The following FAM32A variants were observed in gnomAD, a reference collection of about 807,000 sequenced individuals.
FAM32A encodes protein FAM32A.
FAM32A carries 9 observed loss-of-function variants against 15.8 expected under a neutral mutation model. The observed-to-expected ratio is 0.57, with a 90% confidence interval of 0.34 to 1.00. The LOEUF (loss-of-function observed/expected upper bound fraction) is 1.00, where lower values mean the gene tolerates loss of function less well. Ranked by LOEUF, FAM32A falls within the 50% of genes least tolerant of loss-of-function variation. The probability of loss-of-function intolerance (pLI) is 0.02; values close to 1 mark genes in which losing one functional copy is unlikely to be tolerated. For missense variants in FAM32A, 113 were observed against 138.3 expected (o/e 0.82, Z 0.92); for synonymous variants, 64 against 54.9 (o/e 1.16, Z -0.73).
intron 2 of FAM32A, among the ~76,000 whole-genome samples, chr19:16,187,152 G>A (rs563744390): frequency 6.6e-6 from 1 of 152,214 alleles, no homozygotes; most frequent in Admixed American, 6.6e-5. Flanking sequence ...GTGTGACCCT[G>A]GGCAAGCCGG....
At chr19:16,185,863 G>A in intron 2 of FAM32A, 98 bp downstream of exon 2, 1 of 1,332,418 alleles carries the variant, frequency 7.5e-7, no homozygotes, top group Non-Finnish European at 1.0e-6. Context: ...GCAGGGGAGC[G>A]GTCAGAGGAG....
Position 16,185,972 on chromosome 19 carries a change from G to A in FAM32A, c.216+207G>A, listed in dbSNP as rs528421569. Among the ~76,000 whole-genome samples, 4 of 152,270 alleles carry A rather than the reference G, an allele frequency of 2.6e-5. No individual in the cohort carries two copies. In the South Asian group the frequency reaches 8.3e-4, roughly 32 times the overall value. Reference sequence around the variant, plus strand: ...TGAGAAGACCCCGCTGGCCCGAGTGGGCAGCAGAGGGGAGAGCTAGAACTG... The same window carrying A: ...TGAGAAGACCCCGCTGGCCCGAGTGAGCAGCAGAGGGGAGAGCTAGAACTG... On this transcript the variant is annotated intron_variant, in intron 2 of 3. Transcript: ENST00000263384.
In FAM32A at chr19:16,191,306, G is replaced by A. The variant is rs995143222; in HGVS notation, c.*351G>A. 4.5e-5 allele frequency: 15 copies of A among 330,420 alleles called. No individual in the cohort carries two copies. The highest frequency in any genetic ancestry group is 8.3e-5 in the Non-Finnish European group (14 of 169,538). The allele number at this position is 330,420 out of a possible 1,614,324, so 20.5% of individuals were successfully genotyped here. ...TGAGGCCAGCCAGCTGTCTTCTCCT[G>A]GATGAGACAGACTCCAGAGGGTAAG... On this transcript the variant is annotated 3_prime_UTR_variant, in exon 4 of 4. Transcript: ENST00000263384.
chr19:16,187,891 G>A (rs184443922), intron 2 of FAM32A, among the ~76,000 whole-genome samples: 1,765 of 151,966 alleles, frequency 0.012, 21 homozygotes, highest in Non-Finnish European at 0.017. Context: ...GACTACAGGC[G>A]CCCACCACCA....
intron 2 of FAM32A, among the ~76,000 whole-genome samples, chr19:16,190,103 C>T (rs1168032067): frequency 1.3e-5 from 2 of 152,128 alleles, no homozygotes; most frequent in African/African-American, 4.8e-5. Context: ...TCTTGTAGCC[C>T]TAACATCAGG....
At chr19:16,188,713 A>T (rs1336309533) in intron 2 of FAM32A, among the ~76,000 whole-genome samples, 1 of 152,236 alleles carries the variant, frequency 6.6e-6, no homozygotes, top group East Asian at 1.9e-4. Flanking sequence ...GGCTGGGCTC[A>T]CAGCAGCAGG....
In FAM32A at chr19:16,185,752, T is replaced by TG. The variant is rs2091383141; in HGVS notation, c.204dup (p.Gln69AlafsTer110). 6.5e-7 allele frequency: 1 copy of TG among 1,550,380 alleles called. No individual in the cohort carries two copies. Among genetic ancestry groups the TG allele is most frequent in the African/African-American group, 1.4e-5 (1 of 72,532 alleles). The stretch of plus-strand genomic sequence containing the variant: ...CCGGCCCAGGCGGCCTTCGAGAAAA[T>TG]GCAGGAGAAGCGGGTGAGCAGAAGC... On this transcript the variant is annotated frameshift_variant, in exon 2 of 4. Coordinates refer to ENST00000263384, the MANE Select transcript of FAM32A (RefSeq NM_014077.4). LOFTEE classifies it high-confidence loss of function.
At chr19:16,185,569 T>C (rs753454948) in intron 1 of FAM32A, 53 bp downstream of exon 1, 1 of 1,583,330 alleles carries the variant, frequency 6.3e-7, no homozygotes, top group Non-Finnish European at 8.6e-7. Flanking sequence ...AGACCTTTTC[T>C]CGGGACCCCT....
chr19:16,186,176 G>A, intron 2 of FAM32A: 1 of 197,562 alleles, frequency 5.1e-6, no homozygotes, highest in Non-Finnish European at 1.0e-5. Context: ...AGTCATGAAA[G>A]TAAAAAGCAG....
Position 16,185,450 on chromosome 19 carries a change from C to G in FAM32A, c.8C>G (p.Ala3Gly), listed in dbSNP as rs1018856830. The change falls in exon 1 of 4, where the codon GCC becomes GGC. Residue 3 changes from alanine (A) to glycine (G), a missense_variant. Ala to Gly is a moderately conservative substitution (Grantham distance 60, BLOSUM62 0). Coordinates refer to ENST00000263384, the MANE Select transcript of FAM32A (RefSeq NM_014077.4). ...GAAGCACTGGAGAGTGTCATGGAGG[C>G]CTACGAGCAGGTCCAAAAGGGACCC... Reference protein sequence around the residue: MEAYEQVQKGPLK... With the variant: MEGYEQVQKGPLK... 1.3e-6 allele frequency: 2 copies of G among 1,557,868 alleles called. No homozygotes were observed. The highest frequency in any genetic ancestry group is 1.7e-6 in the Non-Finnish European group (2 of 1,150,410).
In FAM32A at chr19:16,190,881, C is replaced by T. The variant is rs1159593120; in HGVS notation, c.271-6C>T. ...CTGACACCGGCCTTCTACTCCACCT[C>T]CCCAGGACTTCAACAGACACCTGGA... is the stretch of plus-strand genomic sequence containing the variant. On this transcript the variant is annotated splice_polypyrimidine_tract_variant and splice_region_variant and intron_variant, in intron 3 of 3. Coordinates refer to ENST00000263384, the MANE Select transcript of FAM32A (RefSeq NM_014077.4). The T allele has an allele frequency of 6.2e-7, 1 of 1,613,620 alleles. No homozygotes were observed. The highest frequency in any genetic ancestry group is 2.2e-5 in the East Asian group (1 of 44,874).
At position 16,191,391 on chromosome 19, in the gene FAM32A, CT is replaced by C. The variant is rs2091406432; in HGVS notation, c.*438del. The C allele has an allele frequency of 5.4e-6, 1 of 186,584 alleles. No individual in the cohort carries two copies. Among genetic ancestry groups the C allele is most frequent in the South Asian group, 9.4e-5 (1 of 10,644 alleles). 11.6% of individuals were successfully genotyped at this position (186,584 alleles called of 1,614,324 possible). A position where few individuals can be genotyped will look rare whatever the true frequency, so the allele number is the denominator to read the frequency against. The stretch of plus-strand genomic sequence containing the variant: ...CCCCGCAGGACCCAGCGTGGGCGCC[CT>C]TCCAAGCTTCCTCTAGCTTTGGGCC... On this transcript the variant is annotated 3_prime_UTR_variant, in exon 4 of 4. Coordinates refer to ENST00000263384, the MANE Select transcript of FAM32A (RefSeq NM_014077.4).
At chr19:16,190,440 C>A in intron 2 of FAM32A, 80 bp from the exon 3 acceptor site, 1 of 975,398 alleles carries the variant, frequency 1.0e-6, no homozygotes, top group Non-Finnish European at 1.6e-6. Flanking sequence ...GCCAGTCTGG[C>A]CAGGCTCCAT....
At chr19:16,189,362 T>G (rs2091397379) in intron 2 of FAM32A, 1 of 152,296 alleles carries the variant, frequency 6.6e-6, no homozygotes, top group Non-Finnish European at 1.5e-5. Flanking sequence ...TCATGTCATC[T>G]CATCTTCCAG....
intron 2 of FAM32A, among the ~76,000 whole-genome samples, chr19:16,188,135 T>C (rs937689352): frequency 3.3e-5 from 5 of 152,224 alleles, no homozygotes; most frequent in East Asian, 1.9e-4. Flanking sequence ...ATGAGACTTA[T>C]GCGAGACTTA....
At chr19:16,190,141 C>G (rs2091400305) in intron 2 of FAM32A, among the ~76,000 whole-genome samples, 2 of 152,142 alleles carry the variant, frequency 1.3e-5, no homozygotes, top group Admixed American at 1.3e-4. Flanking sequence ...AGCACCTGCT[C>G]TATGTCAGAC....
intron 3 of FAM32A, 149 bp from the exon 4 acceptor site, chr19:16,190,738 A>G: frequency 1.2e-6 from 1 of 850,342 alleles, no homozygotes; most frequent in South Asian, 1.5e-5. Flanking sequence ...CCCAGGGTTC[A>G]GGAGTCTGTA....
chr19:16,190,442 A>T, intron 2 of FAM32A, 78 bp from the exon 3 acceptor site: 1 of 988,554 alleles, frequency 1.0e-6, no homozygotes, highest in Non-Finnish European at 1.6e-6. Context: ...CAGTCTGGCC[A>T]GGCTCCATCT....
At chr19:16,187,119 T>C (rs2091388964) in intron 2 of FAM32A, among the ~76,000 whole-genome samples, 1 of 152,116 alleles carries the variant, frequency 6.6e-6, no homozygotes, top group Non-Finnish European at 1.5e-5. Flanking sequence ...TGAGTTTGAC[T>C]CTGCCTCTAC....
Sources: gnomAD v4.1 joint callset for allele counts (sites outside exome capture counted in the v4.1 genomes callset) on GRCh38, gnomAD v4.1.1 for gene constraint, MANE v1.5 for transcripts, NCBI Gene and HGNC (gene_info 2026-07-23, HGNC 2026-07-21) for gene names.